Variants in RAF1 observed in about 807,000 individuals in gnomAD.
RAF1 encodes Raf-1 proto-oncogene, serine/threonine kinase.
In RAF1, 27 loss-of-function variants were observed where a neutral mutation model predicts 81.1. The ratio of observed to expected loss-of-function variants is 0.33; its 90% CI spans 0.25 to 0.46. The LOEUF is 0.46. RAF1 is among the 20% of genes least tolerant of loss of function. The pLI is 1.00. For synonymous variants in RAF1, 298 were observed against 294.0 expected (o/e 1.01, Z -0.14); for missense variants, 598 against 826.0 (o/e 0.72, Z 3.38).
intron 1 of RAF1, among the ~76,000 whole-genome samples, chr3:12,629,288 C>G (rs931124326): frequency 6.6e-6 from 1 of 152,122 alleles, no homozygotes; most frequent in Admixed American, 6.5e-5. Context: ...CTTGACAAAG[C>G]TTGTTTGGCT....
intron 1 of RAF1, among the ~76,000 whole-genome samples, chr3:12,644,044 C>G (rs952963291): frequency 2.6e-5 from 4 of 152,004 alleles, no homozygotes; most frequent in African/African-American, 9.7e-5. Context: ...TTTCAAAAAC[C>G]CTGGAAAGGT....
chr3:12,597,588 A>C (rs758819326), intron 11 of RAF1, among the ~76,000 whole-genome samples: 6 of 152,118 alleles, frequency 3.9e-5, no homozygotes, highest in Admixed American at 2.0e-4. Flanking sequence ...GTTCTTTCCT[A>C]AGGAATCCTG....
At chr3:12,653,744 A>T (rs2060603307) in intron 1 of RAF1, among the ~76,000 whole-genome samples, 1 of 152,130 alleles carries the variant, frequency 6.6e-6, no homozygotes, top group Non-Finnish European at 1.5e-5. Context: ...GTCTCAAAAA[A>T]AAAAAAGTCA....
At chr3:12,662,147 C>A (rs1182473422) in intron 1 of RAF1, among the ~76,000 whole-genome samples, 4 of 150,756 alleles carry the variant, frequency 2.7e-5, no homozygotes, top group African/African-American at 9.8e-5. Context: ...CCAGCCTAGG[C>A]AACACTGCCA....
chr3:12,643,992 T>A (rs1420181468), intron 1 of RAF1, among the ~76,000 whole-genome samples: 2 of 152,150 alleles, frequency 1.3e-5, no homozygotes, highest in African/African-American at 4.8e-5. Context: ...AAAAATAAGT[T>A]AAGTAGTACC....
At chr3:12,629,580 T>C (rs2059805045) in intron 1 of RAF1, among the ~76,000 whole-genome samples, 1 of 152,120 alleles carries the variant, frequency 6.6e-6, no homozygotes, top group Non-Finnish European at 1.5e-5. Context: ...TAAGTAAAAA[T>C]GTCCAAGGTT....
intron 8 of RAF1, among the ~76,000 whole-genome samples, chr3:12,602,642 T>C (rs1182135637): frequency 6.6e-6 from 1 of 152,176 alleles, no homozygotes; most frequent in Non-Finnish European, 1.5e-5. Context: ...CCTGTAAGTA[T>C]TACAGTGTTC....
At chr3:12,604,684 T>G (rs1319781264) in intron 6 of RAF1, among the ~76,000 whole-genome samples, 2 of 152,202 alleles carry the variant, frequency 1.3e-5, no homozygotes, top group Non-Finnish European at 2.9e-5. Context: ...TTTGAGAATT[T>G]ATTTAAACAG....
chr3:12,585,549 G>C, intron 15 of RAF1, 132 bp downstream of exon 14: 1 of 1,358,504 alleles, frequency 7.4e-7, no homozygotes, highest in South Asian at 1.2e-5. Context: ...CAATTGCCCT[G>C]AGGCTGGCTG....
At chr3:12,595,713 C>A (rs1420851685) in intron 11 of RAF1, among the ~76,000 whole-genome samples, 4 of 152,096 alleles carry the variant, frequency 2.6e-5, no homozygotes, top group Admixed American at 2.6e-4. Context: ...CATGCAAATG[C>A]CACTTTCTTG....
chr3:12,619,177 G>A (rs907704189), intron 1 of RAF1, among the ~76,000 whole-genome samples: 6 of 151,882 alleles, frequency 4.0e-5, no homozygotes, highest in East Asian at 1.9e-4. Context: ...CCTGGGAGGC[G>A]GAGCTTGCAG....
rs1225912914 is a variant in RAF1 at position 12,600,372 on chromosome 3, G to T, written c.922+16C>A. 3 of 1,614,154 alleles carry T rather than the reference G, an allele frequency of 1.9e-6. No individual in the cohort carries two copies. Among genetic ancestry groups the T allele is most frequent in the Admixed American group, 3.3e-5 (2 of 60,020 alleles). The stretch of plus-strand genomic sequence containing the variant: ...AAAAGCCCATTATTGTTGGCTAAAT[G>T]ACTATGGAAAAGTACCTGATTCGCT... On this transcript the variant is annotated intron_variant, in intron 9 of 17. Transcript: ENST00000442415.
intron 1 of RAF1, among the ~76,000 whole-genome samples, chr3:12,645,625 T>C (rs1006013593): frequency 1.3e-4 from 20 of 152,244 alleles, no homozygotes; most frequent in African/African-American, 4.8e-4. Context: ...TACAGTAATG[T>C]AGTGGTTAAG....
chr3:12,598,008 TC>T (rs34838050), intron 11 of RAF1, among the ~76,000 whole-genome samples: 50,992 of 136,030 alleles, frequency 0.37, 9,971 homozygotes, highest in Non-Finnish European at 0.42. Flanking sequence ...AATTTTCTTT[TC>T]CTTTTTTTTT....
chr3:12,627,614 G>A (rs1005766139), intron 1 of RAF1, among the ~76,000 whole-genome samples: 1 of 151,918 alleles, frequency 6.6e-6, no homozygotes, highest in Admixed American at 6.6e-5. Flanking sequence ...TTTTCTGGTC[G>A]ACATTATTTC....
At chr3:12,651,838 C>T (rs576066765) in intron 1 of RAF1, among the ~76,000 whole-genome samples, 3 of 150,064 alleles carry the variant, frequency 2.0e-5, no homozygotes, top group African/African-American at 4.9e-5. Context: ...GGTGAAAACC[C>T]GTCTCTACTA....
At chr3:12,587,205 C>G (rs2058357345) in intron 14 of RAF1, 1 of 221,020 alleles carries the variant, frequency 4.5e-6, no homozygotes, top group African/African-American at 2.3e-5. Context: ...ATCCACATAA[C>G]AAGCAGATAG....
chr3:12,588,192 A>C (rs919836888), intron 13 of RAF1: 2 of 152,348 alleles, frequency 1.3e-5, no homozygotes, highest in African/African-American at 4.8e-5. Flanking sequence ...ATAATGTGGC[A>C]TATCCATACA....
intron 2 of RAF1, 70 bp downstream of exon 2, chr3:12,618,445 T>C: frequency 6.5e-7 from 1 of 1,537,770 alleles, no homozygotes; most frequent in Non-Finnish European, 9.0e-7. Flanking sequence ...GTCTTTAAGT[T>C]GAACATGATC....
Sources: gnomAD v4.1 joint callset for allele counts (sites outside exome capture counted in the v4.1 genomes callset) on GRCh38, gnomAD v4.1.1 for gene constraint, MANE v1.5 for transcripts, NCBI Gene and HGNC (gene_info 2026-07-23, HGNC 2026-07-21) for gene names.